The following SLC44A5 variants were observed in gnomAD, a reference collection of about 807,000 sequenced individuals.
SLC44A5 encodes choline transporter-like protein 5.
SLC44A5 carries 57 observed loss-of-function variants against 101.8 expected under a neutral mutation model. The ratio of observed to expected loss-of-function variants is 0.56; its 90% CI spans 0.45 to 0.70. The LOEUF is 0.70. Among genes scored for constraint, SLC44A5 ranks in the 30% least tolerant of loss-of-function variants. The pLI is 0.00. For missense variants in SLC44A5, 737 were observed against 853.1 expected, an observed-to-expected ratio of 0.86 and a Z score of 1.70; for synonymous variants, 281 against 290.9, an observed-to-expected ratio of 0.97 and a Z score of 0.35.
At chr1:75,536,834 G>A (rs1322803561) in intron 2 of SLC44A5, among the ~76,000 whole-genome samples, 4 of 139,828 alleles carry the variant, frequency 2.9e-5, no homozygotes, top group Non-Finnish European at 6.2e-5. Context: ...GTGAAACCCC[G>A]TCTCTACTAA....
intron 7 of SLC44A5, among the ~76,000 whole-genome samples, chr1:75,250,390 T>A (rs747658440): frequency 6.6e-6 from 1 of 152,210 alleles, no homozygotes; most frequent in Non-Finnish European, 1.5e-5. Context: ...ATTTTCTTTA[T>A]CCAATCTATC....
At chr1:75,323,850 G>A (rs1656370602) in intron 4 of SLC44A5, among the ~76,000 whole-genome samples, 1 of 152,098 alleles carries the variant, frequency 6.6e-6, no homozygotes, top group Non-Finnish European at 1.5e-5. Flanking sequence ...GTTAAAAAAT[G>A]GCTATTGAGC....
chr1:75,469,738 C>T (rs1667002807), intron 2 of SLC44A5, among the ~76,000 whole-genome samples: 1 of 151,562 alleles, frequency 6.6e-6, no homozygotes, highest in Admixed American at 6.6e-5. Context: ...GCTGTCTGAA[C>T]GATAAGTAAA....
chr1:75,375,976 G>A (rs1660560177), intron 3 of SLC44A5, among the ~76,000 whole-genome samples: 1 of 152,190 alleles, frequency 6.6e-6, no homozygotes, highest in Non-Finnish European at 1.5e-5. Context: ...GTCAGTGGGT[G>A]TGTGCACCGT....
At chr1:75,699,908 A>T in the SLC44A5 span, among the ~76,000 whole-genome samples, 1 of 152,154 alleles carries the variant, frequency 6.6e-6, no homozygotes, top group Non-Finnish European at 1.5e-5. Flanking sequence ...AGAGACAAAG[A>T]AGGCCATTAC....
At chr1:75,212,992 C>T (rs371946068) in intron 22 of SLC44A5, among the ~76,000 whole-genome samples, 6 of 152,176 alleles carry the variant, frequency 3.9e-5, no homozygotes, top group African/African-American at 7.2e-5. Context: ...GTTATACCCT[C>T]GTGCAGGGGT....
the SLC44A5 span, among the ~76,000 whole-genome samples, chr1:75,716,533 G>C: frequency 2.6e-5 from 4 of 152,152 alleles, no homozygotes; most frequent in Non-Finnish European, 5.9e-5. Context: ...ATGTAAATTA[G>C]TTCAGCCACT....
At chr1:75,628,686 C>A in the SLC44A5 span, among the ~76,000 whole-genome samples, 2 of 151,982 alleles carry the variant, frequency 1.3e-5, no homozygotes, top group African/African-American at 4.8e-5. Flanking sequence ...TCATAACATT[C>A]AAAAAATTGT....
chr1:75,466,874 A>C (rs770332313), intron 2 of SLC44A5, among the ~76,000 whole-genome samples: 1 of 152,052 alleles, frequency 6.6e-6, no homozygotes, highest in Non-Finnish European at 1.5e-5. Context: ...AGAGCATCCA[A>C]ATTGGAAAGG....
At chr1:75,493,981 G>C (rs1306188681) in intron 2 of SLC44A5, among the ~76,000 whole-genome samples, 1 of 152,200 alleles carries the variant, frequency 6.6e-6, no homozygotes, top group Non-Finnish European at 1.5e-5. Flanking sequence ...GAAGCATAAA[G>C]GGGAATGTGG....
chr1:75,384,874 A>C (rs997005941), intron 3 of SLC44A5, among the ~76,000 whole-genome samples: 1 of 151,416 alleles, frequency 6.6e-6, no homozygotes, highest in Non-Finnish European at 1.5e-5. Flanking sequence ...ACCACAGTGC[A>C]ATCAAACTAG....
chr1:75,697,074 T>C, the SLC44A5 span, among the ~76,000 whole-genome samples: 2 of 152,304 alleles, frequency 1.3e-5, no homozygotes, highest in South Asian at 2.1e-4. Flanking sequence ...ATGAGCCTTA[T>C]TGAATATAAA....
intron 2 of SLC44A5, among the ~76,000 whole-genome samples, chr1:75,444,449 AAGAAAG>A (rs1665401576): frequency 7.2e-6 from 1 of 139,430 alleles, no homozygotes; most frequent in South Asian, 2.3e-4. Context: ...GAAAGAAAGA[AAGAAAG>A]AAAAAGAAAA....
At chr1:75,242,834 A>T (rs1373156224) in intron 8 of SLC44A5, 52 bp downstream of exon 8, 2 of 1,527,660 alleles carry the variant, frequency 1.3e-6, no homozygotes, top group Non-Finnish European at 1.8e-6. Flanking sequence ...TACACTTGAG[A>T]TTGAAAAAAA....
intron 2 of SLC44A5, among the ~76,000 whole-genome samples, chr1:75,510,474 A>G (rs960543968): frequency 6.6e-6 from 1 of 152,180 alleles, no homozygotes; most frequent in Non-Finnish European, 1.5e-5. Flanking sequence ...AAAAGACAAA[A>G]GGAGAGAGAA....
chr1:75,274,740 C>T (rs2100746614), intron 6 of SLC44A5, among the ~76,000 whole-genome samples: 1 of 152,240 alleles, frequency 6.6e-6, no homozygotes, highest in African/African-American at 2.4e-5. Context: ...AGTCTTCATG[C>T]ATTCTAATAA....
intron 3 of SLC44A5, among the ~76,000 whole-genome samples, chr1:75,391,758 A>T (rs143593231): frequency 2.0e-5 from 3 of 152,318 alleles, no homozygotes; most frequent in Non-Finnish European, 4.4e-5. Context: ...AAGACCTCAA[A>T]CTATAAGAAT....
At chr1:75,648,905 A>G in the SLC44A5 span, among the ~76,000 whole-genome samples, 1 of 152,224 alleles carries the variant, frequency 6.6e-6, no homozygotes, top group African/African-American at 2.4e-5. Flanking sequence ...TTTATAATAT[A>G]TTACAGCTGT....
the SLC44A5 span, among the ~76,000 whole-genome samples, chr1:75,719,039 G>T: frequency 6.6e-6 from 1 of 152,082 alleles, no homozygotes; most frequent in Non-Finnish European, 1.5e-5. Flanking sequence ...GACTGGAATG[G>T]TCTATTTTCA....
Sources: allele counts gnomAD v4.1 joint callset (sites outside exome capture counted in the v4.1 genomes callset), GRCh38; gene constraint gnomAD v4.1.1; transcripts MANE v1.5; gene names NCBI Gene and HGNC (gene_info 2026-07-23, HGNC 2026-07-21).